The following ZMIZ1 variants were observed in gnomAD, a reference collection of about 807,000 sequenced individuals.
The protein encoded by ZMIZ1 is zinc finger MIZ-type containing 1, also known as zinc finger MIZ domain-containing protein 1.
Under a neutral mutation model 113.9 loss-of-function variants are expected in ZMIZ1, and 17 were observed. The observed-to-expected ratio is 0.15, with a 90% CI of 0.10 to 0.22. The LOEUF (loss-of-function observed/expected upper bound fraction) is 0.22. Ranked by LOEUF, ZMIZ1 falls within the 10% of genes least tolerant of loss-of-function variation. ZMIZ1 has a pLI of 1.00. For missense variants in ZMIZ1, 1,059 were observed against 1,477.8 expected (o/e 0.72, Z 4.65); for synonymous variants, 607 against 603.1 (o/e 1.01, Z -0.09).
rs537640463 is a variant in ZMIZ1, at chr10:79,255,089, C to A, written c.281-22092C>A. Among the ~76,000 whole-genome samples, 12 of 152,322 alleles carry A rather than the reference C, an allele frequency of 7.9e-5. No individual in the cohort carries two copies. The South Asian group carries it at 2.5e-3, about 32-fold the overall frequency. On this transcript the variant is annotated intron_variant, in intron 7 of 24. Transcript: ENST00000334512. ...TGGGAGACGTTGCCCTCCACCCAGC[C>A]CAAGCCGATTCCCTCTGGCCTTGAG...
intron 1 of ZMIZ1, among the ~76,000 whole-genome samples, chr10:79,116,679 T>C (rs1270034243): frequency 2.6e-5 from 4 of 152,164 alleles, no homozygotes; most frequent in Non-Finnish European, 4.4e-5. Flanking sequence ...TTTAGTTCCA[T>C]TGAAGTGTTA....
chr10:79,191,432 C>T (rs367854545), intron 4 of ZMIZ1, among the ~76,000 whole-genome samples: 8 of 152,124 alleles, frequency 5.3e-5, no homozygotes, highest in South Asian at 2.1e-4. Context: ...CAAGGGCCCT[C>T]GGGTAACTGT....
intron 6 of ZMIZ1, among the ~76,000 whole-genome samples, chr10:79,212,770 GA>G (rs373464118): frequency 1.9e-4 from 27 of 145,028 alleles, no homozygotes; most frequent in Middle Eastern, 3.5e-3. Context: ...AAAAAAAAAA[GA>G]AAAAAAAAAT....
chr10:79,262,638 C>G (rs1384250599), intron 7 of ZMIZ1, among the ~76,000 whole-genome samples: 2 of 152,262 alleles, frequency 1.3e-5, no homozygotes, highest in Non-Finnish European at 2.9e-5. Flanking sequence ...CATTTCCTCC[C>G]TCCCCTCAGT....
intron 1 of ZMIZ1, among the ~76,000 whole-genome samples, chr10:79,099,256 C>T (rs988002777): frequency 1.3e-5 from 2 of 152,080 alleles, no homozygotes; most frequent in Non-Finnish European, 2.9e-5. Context: ...CCCCGGGAGT[C>T]GGTGTGCTGG....
chr10:79,253,903 C>T (rs916826035), intron 7 of ZMIZ1, among the ~76,000 whole-genome samples: 1 of 152,310 alleles, frequency 6.6e-6, no homozygotes, highest in Admixed American at 6.5e-5. Context: ...TGCTGACACG[C>T]ACACTCACAC....
chr10:79,302,248 T>A, intron 18 of ZMIZ1, 36 bp downstream of exon 18: 1 of 1,589,870 alleles, frequency 6.3e-7, no homozygotes, highest in Non-Finnish European at 8.6e-7. Context: ...AGGGCCAGAC[T>A]CCATCCCCGC....
At chr10:79,168,496 A>C (rs1846460830) in intron 4 of ZMIZ1, among the ~76,000 whole-genome samples, 1 of 152,216 alleles carries the variant, frequency 6.6e-6, no homozygotes, top group Non-Finnish European at 1.5e-5. Context: ...TCCCCAGCAC[A>C]GTCCCTGGCC....
chr10:79,183,408 A>C (rs1246514258), intron 4 of ZMIZ1, among the ~76,000 whole-genome samples: 2 of 152,138 alleles, frequency 1.3e-5, no homozygotes, highest in East Asian at 1.9e-4. Context: ...GTGCAGAGAC[A>C]CAGTCCAGGT....
chr10:79,110,066 A>G (rs1336764620), intron 1 of ZMIZ1, among the ~76,000 whole-genome samples: 1 of 152,250 alleles, frequency 6.6e-6, no homozygotes, highest in Non-Finnish European at 1.5e-5. Flanking sequence ...TGGGGGTGGC[A>G]TGCATGGCCT....
At chr10:79,272,085 A>G (rs551918739) in intron 7 of ZMIZ1, among the ~76,000 whole-genome samples, 13 of 152,274 alleles carry the variant, frequency 8.5e-5, no homozygotes, top group Admixed American at 3.9e-4. Flanking sequence ...CCTGGCCAAC[A>G]TGGCAAAACT....
chr10:79,146,000 AC>A (rs1221314594), intron 3 of ZMIZ1, among the ~76,000 whole-genome samples: 1 of 152,138 alleles, frequency 6.6e-6, no homozygotes, highest in East Asian at 1.9e-4. Flanking sequence ...GAGCTGCCAC[AC>A]CCAGCCCAGG....
intron 4 of ZMIZ1, among the ~76,000 whole-genome samples, chr10:79,197,973 A>G (rs59424762): frequency 0.026 from 4,000 of 152,194 alleles, 187 homozygotes; most frequent in African/African-American, 0.09. Flanking sequence ...ATTAAAAAGC[A>G]TTTTGGCCAG....
chr10:79,270,706 G>A (rs1260160405), intron 7 of ZMIZ1, among the ~76,000 whole-genome samples: 3 of 152,158 alleles, frequency 2.0e-5, no homozygotes, highest in Admixed American at 6.5e-5. Context: ...CTTCTGCTGA[G>A]GTCAACTCTC....
chr10:79,188,385 T>C (rs1397432284), intron 4 of ZMIZ1, among the ~76,000 whole-genome samples: 2 of 152,168 alleles, frequency 1.3e-5, no homozygotes, highest in Non-Finnish European at 2.9e-5. Flanking sequence ...TGGGCCGCTC[T>C]TCCCGCCCCC....
Position 79,315,134 on chromosome 10 carries a change from G to A in ZMIZ1, c.*2385G>A, listed in dbSNP as rs916920032. ...CATCTCTGGGCTCAGCACCTGAGGC[G>A]GGTTTCCTGGGTCCCCTCTCCAGCA... On this transcript the variant is annotated 3_prime_UTR_variant, in exon 25 of 25. Coordinates refer to ENST00000334512, the MANE Select transcript of ZMIZ1 (RefSeq NM_020338.4). The A allele has an allele frequency of 6.5e-6, 1 of 152,860 alleles. No homozygotes were observed. The highest frequency in any genetic ancestry group is 2.4e-5 in the African/African-American group (1 of 41,450). The allele number at this position is 152,860 out of a possible 1,614,324, so 9.5% of individuals were successfully genotyped here. A position where few individuals can be genotyped will look rare whatever the true frequency, so the allele number is the denominator to read the frequency against.
chr10:79,086,325 C>T (rs564931908), intron 1 of ZMIZ1, among the ~76,000 whole-genome samples: 2 of 152,300 alleles, frequency 1.3e-5, no homozygotes, highest in African/African-American at 4.8e-5. Context: ...TCTCCTCCTC[C>T]CGGTACCAGC....
chr10:79,251,109 G>A (rs909745113), intron 7 of ZMIZ1, among the ~76,000 whole-genome samples: 3 of 152,102 alleles, frequency 2.0e-5, no homozygotes, highest in East Asian at 1.9e-4. Context: ...GTTTCCAGGT[G>A]GGGATGGGAT....
chr10:79,217,152 G>A (rs950288156), intron 7 of ZMIZ1, among the ~76,000 whole-genome samples: 2 of 152,208 alleles, frequency 1.3e-5, no homozygotes, highest in African/African-American at 2.4e-5. Flanking sequence ...GGCCGGGCGC[G>A]GTGGCTCACG....
Sources: gnomAD v4.1 joint callset for allele counts (sites outside exome capture counted in the v4.1 genomes callset) on GRCh38, gnomAD v4.1.1 for gene constraint, MANE v1.5 for transcripts, NCBI Gene and HGNC (gene_info 2026-07-23, HGNC 2026-07-21) for gene names.